PRKN: variants seen among roughly 807,000 people sequenced by gnomAD.
PRKN encodes parkin RBR E3 ubiquitin protein ligase.
A neutral mutation model predicts 59.5 loss-of-function variants in PRKN; 56 were observed. The observed-to-expected ratio is 0.94, with a 90% CI of 0.76 to 1.18. The LOEUF (loss-of-function observed/expected upper bound fraction) is 1.18, where lower values mean the gene tolerates loss of function less well. Among genes scored for constraint, PRKN ranks in the 50% most tolerant of loss-of-function variants. The pLI, the probability that PRKN is intolerant of heterozygous loss-of-function variation, is 0.00. For missense variants in PRKN, 657 were observed against 596.4 expected (o/e 1.10, Z -1.06); for synonymous variants, 250 against 222.1 (o/e 1.13, Z -1.12).
intron 4 of PRKN, among the ~76,000 whole-genome samples, chr6:162,126,331 G>T (rs916389151): frequency 1.3e-5 from 2 of 152,150 alleles, no homozygotes; most frequent in African/African-American, 4.8e-5. Flanking sequence ...AATAGATGAT[G>T]CATTAATATA....
chr6:162,564,318 C>A (rs1779971358), intron 1 of PRKN, among the ~76,000 whole-genome samples: 1 of 151,602 alleles, frequency 6.6e-6, no homozygotes, highest in Non-Finnish European at 1.5e-5. Flanking sequence ...GCACTCCAGC[C>A]TGGCAATAGA....
intron 1 of PRKN, among the ~76,000 whole-genome samples, chr6:162,647,794 C>T (rs1778243013): frequency 1.3e-5 from 2 of 151,978 alleles, no homozygotes; most frequent in South Asian, 2.1e-4. Context: ...ATTTTCCCTA[C>T]TTTATATTCC....
chr6:161,781,824 C>T (rs956013152), intron 7 of PRKN, among the ~76,000 whole-genome samples: 20 of 152,180 alleles, frequency 1.3e-4, no homozygotes, highest in Non-Finnish European at 2.2e-4. Flanking sequence ...AGATGCTCAA[C>T]TTTGTTTAAA....
chr6:162,656,127 A>G (rs945852218), intron 1 of PRKN, among the ~76,000 whole-genome samples: 4 of 152,206 alleles, frequency 2.6e-5, no homozygotes, highest in African/African-American at 7.2e-5. Context: ...TTACAACAGT[A>G]CCAAGCACAT....
intron 3 of PRKN, among the ~76,000 whole-genome samples, chr6:162,233,035 A>G (rs553937292): frequency 6.6e-6 from 1 of 152,302 alleles, no homozygotes; most frequent in African/African-American, 2.4e-5. Flanking sequence ...GCACTAATGA[A>G]CAACTATATT....
chr6:162,107,035 C>T (rs1780218710), intron 4 of PRKN, among the ~76,000 whole-genome samples: 1 of 152,160 alleles, frequency 6.6e-6, no homozygotes, highest in Non-Finnish European at 1.5e-5. Flanking sequence ...CCGTATTCCC[C>T]ATGCTCCAAG....
chr6:162,314,276 A>C (rs1782655060), intron 2 of PRKN, among the ~76,000 whole-genome samples: 1 of 152,196 alleles, frequency 6.6e-6, no homozygotes, highest in African/African-American at 2.4e-5. Flanking sequence ...GATTCTAAAC[A>C]TCAGCCTTTT....
In PRKN at chr6:161,561,451, C is replaced by T. The variant is rs962232650; in HGVS notation, c.933+7904G>A. On this transcript the variant is annotated intron_variant, in intron 8 of 11. Transcript: ENST00000366898. The surrounding 1 kb of genome is among the most constrained non-coding windows in gnomAD (Gnocchi z 5.0). Reference sequence around the variant, plus strand: ...GCTCAACAGATGTTTCCTAAGCACACTCTAAGTGTCAAGTACTCTTCTATG... The same window carrying T: ...GCTCAACAGATGTTTCCTAAGCACATTCTAAGTGTCAAGTACTCTTCTATG... Among the ~76,000 whole-genome samples the T allele has an allele frequency of 3.3e-5, 5 of 152,142 alleles. No individual in the cohort carries two copies. Among genetic ancestry groups the T allele is most frequent in the African/African-American group, 1.2e-4 (5 of 41,420 alleles).
At chr6:161,711,513 T>A (rs1210848692) in intron 7 of PRKN, among the ~76,000 whole-genome samples, 6 of 152,150 alleles carry the variant, frequency 3.9e-5, no homozygotes, top group African/African-American at 1.4e-4. Flanking sequence ...AATAAATACA[T>A]TTAGATTGGC....
At chr6:161,452,285 TA>T (rs1789775225) in intron 9 of PRKN, among the ~76,000 whole-genome samples, 1 of 152,308 alleles carries the variant, frequency 6.6e-6, no homozygotes, top group Admixed American at 6.5e-5. Flanking sequence ...AAGTCTGATT[TA>T]AAAAATAGTT....
intron 5 of PRKN, among the ~76,000 whole-genome samples, chr6:162,009,417 T>C (rs1782392793): frequency 6.6e-6 from 1 of 151,704 alleles, no homozygotes; most frequent in African/African-American, 2.4e-5. Context: ...ATGAAACACC[T>C]ACATGACAAT....
chr6:162,374,408 G>A (rs1217153670), intron 2 of PRKN, among the ~76,000 whole-genome samples: 1 of 146,824 alleles, frequency 6.8e-6, no homozygotes, highest in Admixed American at 6.8e-5. Context: ...TTTTTTTTAA[G>A]TTTTAGTTTG....
chr6:161,774,374 C>T (rs1173618491), intron 7 of PRKN, among the ~76,000 whole-genome samples: 1 of 142,452 alleles, frequency 7.0e-6, no homozygotes, highest in Non-Finnish European at 1.5e-5. Context: ...ATCCTTTCTA[C>T]TCCCTGAGCA....
chr6:161,520,317 T>C (rs1001537367), intron 9 of PRKN, among the ~76,000 whole-genome samples: 5 of 150,124 alleles, frequency 3.3e-5, no homozygotes, highest in African/African-American at 4.9e-5. Flanking sequence ...CTCTGCCTCC[T>C]GAGTTCAAGT....
At chr6:162,262,800 A>T (rs77914530) in intron 2 of PRKN, 35 bp from the exon 3 acceptor site, 1 of 1,597,244 alleles carries the variant, frequency 6.3e-7, no homozygotes. Context: ...AAAAAAAAAA[A>T]AAAGGAAATG....
intron 1 of PRKN, among the ~76,000 whole-genome samples, chr6:162,512,618 T>A (rs927374164): frequency 2.0e-5 from 3 of 152,180 alleles, no homozygotes; most frequent in Admixed American, 2.0e-4. Flanking sequence ...GTGGCAACAA[T>A]GTTATTACAA....
chr6:162,114,766 A>G (rs1187086752), intron 4 of PRKN, among the ~76,000 whole-genome samples: 1 of 151,698 alleles, frequency 6.6e-6, no homozygotes, highest in Non-Finnish European at 1.5e-5. Context: ...ACTGGCCATC[A>G]GAGAAATGCA....
chr6:162,469,105 C>T (rs992895336), intron 1 of PRKN, among the ~76,000 whole-genome samples: 1 of 152,040 alleles, frequency 6.6e-6, no homozygotes, highest in African/African-American at 2.4e-5. Flanking sequence ...CTATAAAAAT[C>T]TATTGTGATA....
intron 3 of PRKN, among the ~76,000 whole-genome samples, chr6:162,217,407 G>C (rs927418710): frequency 6.6e-6 from 1 of 152,124 alleles, no homozygotes; most frequent in Non-Finnish European, 1.5e-5. Context: ...TTGAGACACA[G>C]TCTCCCTCTG....
Sources: allele counts gnomAD v4.1 joint callset (sites outside exome capture counted in the v4.1 genomes callset), GRCh38; gene constraint gnomAD v4.1.1; non-coding constraint Gnocchi (gnomAD v3.1); transcripts MANE v1.5; gene names NCBI Gene and HGNC (gene_info 2026-07-23, HGNC 2026-07-21).